The following EDIL3 variants were observed in gnomAD, a reference collection of about 807,000 sequenced individuals.
The protein encoded by EDIL3 is EGF-like repeat and discoidin I-like domain-containing protein 3.
A neutral mutation model predicts 67.4 loss-of-function variants in EDIL3; 37 were observed. The ratio of observed to expected loss-of-function variants is 0.55; its 90% CI spans 0.42 to 0.72. The LOEUF is 0.72. Ranked by LOEUF, EDIL3 falls within the 30% of genes least tolerant of loss-of-function variation. The probability of loss-of-function intolerance (pLI) is 0.00; values close to 1 mark genes in which losing one functional copy is unlikely to be tolerated. For synonymous variants in EDIL3, 195 were observed against 196.3 expected (o/e 0.99, Z 0.05); for missense variants, 527 against 586.3 (o/e 0.90, Z 1.04).
In EDIL3 at chr5:84,154,810, C is replaced by T. The variant is rs554980010; in HGVS notation, c.356-17456G>A. Among the ~76,000 whole-genome samples the T allele has an allele frequency of 4.0e-5, 6 of 151,490 alleles. No homozygotes were observed. In the East Asian group the frequency reaches 1.2e-3, roughly 30 times the overall value. On this transcript the variant is annotated intron_variant, in intron 4 of 10. Transcript: ENST00000296591. ...TGCCTCCCAGGTTCAAGCGATTCTC[C>T]TGCCTCAGCCTCCCAAGTAGCTGGG...
intron 6 of EDIL3, among the ~76,000 whole-genome samples, chr5:84,083,597 C>A (rs1233353626): frequency 1.3e-5 from 2 of 151,646 alleles, no homozygotes; most frequent in Non-Finnish European, 1.5e-5. Context: ...TAACCTTGGG[C>A]ATTTTTTTTT....
chr5:84,158,897 G>C (rs1323436177), intron 4 of EDIL3, among the ~76,000 whole-genome samples: 6 of 151,870 alleles, frequency 4.0e-5, no homozygotes, highest in Non-Finnish European at 8.8e-5. Context: ...CGGCATAAGG[G>C]ATATTGATCT....
chr5:84,013,112 T>C (rs1354749451), intron 9 of EDIL3, among the ~76,000 whole-genome samples: 1 of 151,914 alleles, frequency 6.6e-6, no homozygotes, highest in Non-Finnish European at 1.5e-5. Flanking sequence ...TTTACACCTA[T>C]TACACTTATT....
intron 6 of EDIL3, among the ~76,000 whole-genome samples, chr5:84,086,464 C>T (rs1357968685): frequency 2.0e-5 from 3 of 152,276 alleles, no homozygotes; most frequent in South Asian, 2.1e-4. Flanking sequence ...TGCTTCTGCT[C>T]GCTCTCTGTG....
Position 84,295,165 on chromosome 5 carries a change from TAATATA to T in EDIL3, c.68-40959_68-40954del, listed in dbSNP as rs202164944. ...TTTTCTATTCCCATGCTATATATCA[TAATATA>T]GAGGAAATTAAAGAAAAATATTTTT... On this transcript the variant is annotated intron_variant, in intron 1 of 10. Transcript: ENST00000296591. Among the ~76,000 whole-genome samples, 1,393 of 152,206 alleles carry T rather than the reference TAATATA, an allele frequency of 9.2e-3. 20 individuals carry two copies. Among genetic ancestry groups the T allele is most frequent in the African/African-American group, 0.032 (1,335 of 41,534 alleles).
intron 9 of EDIL3, among the ~76,000 whole-genome samples, chr5:84,027,182 T>C (rs779672870): frequency 2.6e-5 from 4 of 152,196 alleles, no homozygotes; most frequent in East Asian, 1.9e-4. Context: ...ACATTAGCTA[T>C]GTTATATACA....
At position 83,963,341 on chromosome 5, in the gene EDIL3, G is replaced by T. The variant is rs1245890231; in HGVS notation, c.1157C>A (p.Thr386Asn). ...QWLQVDLLVP[T>N]KVTGIITQGA... ...TTGTGTAATGATGCCAGTCACTTTGGTTGGAACAAGAAGATCCACCTTAAA... is the reference window on the plus strand; with the variant it reads ...TTGTGTAATGATGCCAGTCACTTTGTTTGGAACAAGAAGATCCACCTTAAA... Residue 386 changes from threonine (T) to asparagine (N), a missense_variant, in exon 10 of 11, where the codon ACC becomes AAC. Thr to Asn is a moderately conservative substitution (Grantham distance 65, BLOSUM62 0). This residue lies in a region of EDIL3 where 494 missense variants were observed against 522.5 expected (regional missense o/e 0.95). Transcript: ENST00000296591. 8 of 1,605,414 alleles carry T rather than the reference G, an allele frequency of 5.0e-6. No individual in the cohort carries two copies. In the African/African-American group the frequency reaches 9.4e-5, roughly 19 times the overall value.
At chr5:84,201,483 G>C (rs1421866568) in intron 3 of EDIL3, among the ~76,000 whole-genome samples, 2 of 152,014 alleles carry the variant, frequency 1.3e-5, no homozygotes, top group African/African-American at 2.4e-5. Flanking sequence ...ACCATACTTA[G>C]AGACTTCATC....
At position 84,086,543 on chromosome 5, in the gene EDIL3, A is replaced by T. The variant is rs577990354; in HGVS notation, c.652-19937T>A. ...ACCTTAGTTGGAAATGCAGAAATCA[A>T]CTACCTTCTGTGTTGGTCTCGCTGG... On this transcript the variant is annotated intron_variant, in intron 6 of 10. Coordinates refer to ENST00000296591, the MANE Select transcript of EDIL3 (RefSeq NM_005711.5). Among the ~76,000 whole-genome samples the T allele has an allele frequency of 1.5e-3, 230 of 151,850 alleles. 1 individual carries two copies. The highest frequency in any genetic ancestry group is 5.2e-3 in the African/African-American group (217 of 41,394).
chr5:84,370,506 C>G, intron 1 of EDIL3, among the ~76,000 whole-genome samples: 1 of 152,130 alleles, frequency 6.6e-6, no homozygotes, highest in East Asian at 1.9e-4. Flanking sequence ...ACCTGCAGCT[C>G]CTCCATATGA....
intron 1 of EDIL3, among the ~76,000 whole-genome samples, chr5:84,316,158 G>A (rs919828452): frequency 1.3e-5 from 2 of 152,128 alleles, no homozygotes; most frequent in Non-Finnish European, 2.9e-5. Flanking sequence ...ACAAAAACAT[G>A]CCAAATTGTA....
At chr5:84,130,983 T>A (rs1051704732) in intron 5 of EDIL3, among the ~76,000 whole-genome samples, 39 of 152,246 alleles carry the variant, frequency 2.6e-4, no homozygotes, top group Admixed American at 1.3e-4. Flanking sequence ...ATACCTAACA[T>A]CTACACTGCT....
At chr5:84,009,877 C>T (rs1745487316) in intron 9 of EDIL3, among the ~76,000 whole-genome samples, 2 of 152,220 alleles carry the variant, frequency 1.3e-5, no homozygotes, top group South Asian at 2.1e-4. Context: ...CTCCACCCTA[C>T]ATCCCTGTCC....
intron 1 of EDIL3, among the ~76,000 whole-genome samples, chr5:84,381,875 C>T (rs1433011231): frequency 2.0e-5 from 3 of 152,202 alleles, no homozygotes; most frequent in East Asian, 1.9e-4. Context: ...AAAGGAGTTA[C>T]ATATCCTTAT....
intron 9 of EDIL3, among the ~76,000 whole-genome samples, chr5:83,975,213 A>T (rs1744858798): frequency 6.6e-6 from 1 of 152,020 alleles, no homozygotes; most frequent in South Asian, 2.1e-4. Flanking sequence ...AATGGCCTAC[A>T]TTTAAGGGAC....
chr5:84,150,075 T>G (rs1320031406), intron 4 of EDIL3, among the ~76,000 whole-genome samples: 1 of 152,076 alleles, frequency 6.6e-6, no homozygotes, highest in Non-Finnish European at 1.5e-5. Context: ...CTCACAGATC[T>G]AAGCAGCTCA....
intron 3 of EDIL3, among the ~76,000 whole-genome samples, chr5:84,183,975 G>A (rs942262753): frequency 6.6e-6 from 1 of 152,080 alleles, no homozygotes; most frequent in African/African-American, 2.4e-5. Flanking sequence ...GTGTAGTGGC[G>A]CATGGCTATA....
chr5:84,289,258 T>G (rs1561246607), intron 1 of EDIL3, among the ~76,000 whole-genome samples: 2 of 152,302 alleles, frequency 1.3e-5, no homozygotes, highest in South Asian at 2.1e-4. Context: ...CTAAATAAAC[T>G]TACTTAAACT....
At chr5:83,978,985 A>G (rs1744920084) in intron 9 of EDIL3, among the ~76,000 whole-genome samples, 1 of 152,130 alleles carries the variant, frequency 6.6e-6, no homozygotes, top group Non-Finnish European at 1.5e-5. Context: ...TACAACTAAA[A>G]CATAGTAAAC....
Sources: gnomAD v4.1 joint callset for allele counts (sites outside exome capture counted in the v4.1 genomes callset) on GRCh38, gnomAD v4.1.1 for gene constraint, gnomAD v4.1.1 regional missense constraint, MANE v1.5 for transcripts, NCBI Gene and HGNC (gene_info 2026-07-23, HGNC 2026-07-21) for gene names.